CEP350: variants seen among roughly 807,000 people sequenced by gnomAD.
CEP350 encodes centrosome-associated protein 350.
A neutral mutation model predicts 331.8 loss-of-function variants in CEP350; 126 were observed. The observed-to-expected ratio is 0.38, with a 90% CI of 0.33 to 0.44. The LOEUF (loss-of-function observed/expected upper bound fraction) is 0.44, where lower values mean the gene tolerates loss of function less well. Among genes scored for constraint, CEP350 ranks in the 20% least tolerant of loss-of-function variants. The pLI is 1.00. For missense variants in CEP350, 3,406 were observed against 3,634.6 expected (o/e 0.94, Z 1.62); for synonymous variants, 1,200 against 1,259.5 (o/e 0.95, Z 1.00).
Position 180,093,512 on chromosome 1 carries a change from G to A in CEP350, c.7407G>A (p.Glu2469=). 1 of 1,612,840 alleles carries A rather than the reference G, an allele frequency of 6.2e-7. No individual in the cohort carries two copies. Among genetic ancestry groups the A allele is most frequent in the Non-Finnish European group, 8.5e-7 (1 of 1,179,234 alleles). The part of the protein sequence containing the change: ...KSPTELMKSK[E]RSDVEHEQQV... ...CTACTGAGCTGATGAAAAGTAAGGA[G>A]CGCAGTGATGTGGAGCATGAACAGC... is the stretch of plus-strand genomic sequence containing the variant. The change falls in exon 34 of 38, where the codon GAG becomes GAA. Residue 2469 remains glutamate, a synonymous_variant. Coordinates refer to ENST00000367607, the MANE Select transcript of CEP350 (RefSeq NM_014810.5).
At chr1:179,967,356 A>G (rs1651093602) in intron 1 of CEP350, among the ~76,000 whole-genome samples, 1 of 152,152 alleles carries the variant, frequency 6.6e-6, no homozygotes, top group Admixed American at 6.6e-5. Flanking sequence ...TTTAAAAACT[A>G]TATCTAAAAA....
At chr1:180,032,515 A>G (rs998979257) in intron 15 of CEP350, among the ~76,000 whole-genome samples, 41 of 152,114 alleles carry the variant, frequency 2.7e-4, no homozygotes, top group African/African-American at 9.2e-4. Context: ...AATAAGTTTC[A>G]TCAATGCCCC....
intron 1 of CEP350, among the ~76,000 whole-genome samples, chr1:179,975,383 T>C (rs1651783472): frequency 6.6e-6 from 1 of 152,210 alleles, no homozygotes; most frequent in Non-Finnish European, 1.5e-5. Flanking sequence ...AATTGCTAGG[T>C]TCTGTTTTAG....
chr1:179,983,997 T>C (rs1406916908), intron 1 of CEP350, among the ~76,000 whole-genome samples: 1 of 152,162 alleles, frequency 6.6e-6, no homozygotes, highest in African/African-American at 2.4e-5. Flanking sequence ...GAATAGATAA[T>C]CTTAAGATAT....
In CEP350 at chr1:179,987,293, A is replaced by G; in HGVS notation, c.120+7A>G. The stretch of plus-strand genomic sequence containing the variant: ...TTCTCAAACCAAGGCTGCTGTAAGT[A>G]GTTTTAGCTTCCATTTATTTATTTC... On this transcript the variant is annotated splice_region_variant and intron_variant, in intron 3 of 37. Transcript: ENST00000367607. The G allele has an allele frequency of 6.7e-7, 1 of 1,496,770 alleles. No homozygotes were observed. Among genetic ancestry groups the G allele is most frequent in the South Asian group, 1.2e-5 (1 of 85,428 alleles). The allele number at this position is 1,496,770 out of a possible 1,614,324, so 92.7% of individuals were successfully genotyped here.
chr1:179,983,112 G>C (rs571638742), intron 1 of CEP350, among the ~76,000 whole-genome samples: 26 of 152,224 alleles, frequency 1.7e-4, no homozygotes, highest in African/African-American at 5.8e-4. Flanking sequence ...TTCTTAAACT[G>C]TGTTGGCAGA....
intron 37 of CEP350, among the ~76,000 whole-genome samples, chr1:180,101,677 C>G (rs1002339566): frequency 1.3e-5 from 2 of 152,142 alleles, no homozygotes; most frequent in African/African-American, 4.8e-5. Context: ...GCCCCTGCCC[C>G]CTCCACACAC....
intron 17 of CEP350, among the ~76,000 whole-genome samples, chr1:180,037,526 A>G (rs370838263): frequency 1.3e-4 from 20 of 152,082 alleles, no homozygotes; most frequent in African/African-American, 4.8e-4. Context: ...AAATCCAGAG[A>G]TGGTCTAAGC....
chr1:179,968,718 C>T, intron 1 of CEP350: 1 of 578,404 alleles, frequency 1.7e-6, no homozygotes. Context: ...GAGGAACCCA[C>T]TTAGATGGCA....
Position 179,996,437 on chromosome 1 carries a change from T to C in CEP350, c.396-116T>C, listed in dbSNP as rs777639818. ...TGGCTAAATCAAGTTATTTAACATG[T>C]ATTACCTCATTCTTATTTTTTTGTG... is the stretch of plus-strand genomic sequence containing the variant. On this transcript the variant is annotated intron_variant, in intron 5 of 37. Transcript: ENST00000367607. The C allele has an allele frequency of 1.8e-4, 129 of 697,862 alleles. 1 individual carries two copies. The highest frequency in any genetic ancestry group is 2.8e-4 in the Non-Finnish European group (120 of 424,414). 43.2% of individuals were successfully genotyped at this position (697,862 alleles called of 1,614,324 possible).
intron 33 of CEP350, among the ~76,000 whole-genome samples, chr1:180,092,172 T>A (rs1212411050): frequency 1.3e-5 from 2 of 152,254 alleles, no homozygotes; most frequent in Non-Finnish European, 2.9e-5. Context: ...GTTGATCTAT[T>A]TTCTTTTTAA....
intron 14 of CEP350, among the ~76,000 whole-genome samples, chr1:180,030,241 A>G (rs555127285): frequency 3.7e-4 from 55 of 147,466 alleles, no homozygotes; most frequent in Non-Finnish European, 3.0e-5. Flanking sequence ...TTTAAAGTAT[A>G]TATAGTAATT....
At chr1:179,969,046 T>A in intron 1 of CEP350, 2 of 739,882 alleles carry the variant, frequency 2.7e-6, no homozygotes, top group Non-Finnish European at 5.0e-6. Context: ...CTGAAGCATC[T>A]TAGGTTAACC....
chr1:180,111,189 T>A lies in CEP350; in HGVS notation c.*28T>A. ...TCTTGCAAATAAATCGAACGCTGAGTGCTAATGTGAGTCCTGGGCCTTTCT... is the reference window on the plus strand; with the variant it reads ...TCTTGCAAATAAATCGAACGCTGAGAGCTAATGTGAGTCCTGGGCCTTTCT... On this transcript the variant is annotated 3_prime_UTR_variant, in exon 38 of 38. Transcript: ENST00000367607. 6.2e-7 allele frequency: 1 copy of A among 1,609,418 alleles called. No homozygotes were observed. The highest frequency in any genetic ancestry group is 8.5e-7 in the Non-Finnish European group (1 of 1,176,540).
chr1:180,082,800 GC>G (rs1659656536), intron 30 of CEP350, among the ~76,000 whole-genome samples: 2 of 152,024 alleles, frequency 1.3e-5, no homozygotes, highest in Non-Finnish European at 2.9e-5. Flanking sequence ...TATTTTGGGG[GC>G]AAAATTGAAA....
intron 10 of CEP350, among the ~76,000 whole-genome samples, chr1:180,014,950 C>G (rs1654877687): frequency 6.6e-6 from 1 of 152,080 alleles, no homozygotes; most frequent in Non-Finnish European, 1.5e-5. Context: ...TATATGTTGT[C>G]TATATTATAC....
intron 1 of CEP350, among the ~76,000 whole-genome samples, chr1:179,957,539 C>G (rs1650257296): frequency 6.6e-6 from 1 of 152,144 alleles, no homozygotes; most frequent in South Asian, 2.1e-4. Context: ...CTATTATGCA[C>G]CCAGTGCCTA....
chr1:179,970,986 T>C (rs552871221), intron 1 of CEP350, among the ~76,000 whole-genome samples: 2 of 152,096 alleles, frequency 1.3e-5, no homozygotes, highest in Admixed American at 6.5e-5. Context: ...AAAATAATGA[T>C]AAACCTATTA....
Position 180,015,106 on chromosome 1 carries a change from G to A in CEP350, c.2052+601G>A, listed in dbSNP as rs574611096. ...CTTCATGTTGAGTAGGCTGAGAGGA[G>A]GAGGAAGAGGAAGAGTTGGTGTTGC... is the stretch of plus-strand genomic sequence containing the variant. On this transcript the variant is annotated intron_variant, in intron 10 of 37. Coordinates refer to ENST00000367607, the MANE Select transcript of CEP350 (RefSeq NM_014810.5). Among the ~76,000 whole-genome samples, 12 of 152,232 alleles carry A rather than the reference G, an allele frequency of 7.9e-5. 1 individual carries two copies. The South Asian group carries it at 2.3e-3, about 29-fold the overall frequency.
Sources: allele counts gnomAD v4.1 joint callset (sites outside exome capture counted in the v4.1 genomes callset), GRCh38; gene constraint gnomAD v4.1.1; transcripts MANE v1.5; gene names NCBI Gene and HGNC (gene_info 2026-07-23, HGNC 2026-07-21).